The following MYB variants were observed in gnomAD, a reference collection of about 807,000 sequenced individuals.
The protein encoded by MYB is transcriptional activator Myb.
In MYB, 28 loss-of-function variants were observed where a neutral mutation model predicts 92.9. That is an observed-to-expected ratio of 0.30 (90% CI 0.22 to 0.41). The LOEUF (loss-of-function observed/expected upper bound fraction) is 0.41, where lower values mean the gene tolerates loss of function less well. Among genes scored for constraint, MYB ranks in the 10% least tolerant of loss-of-function variants. MYB has a pLI of 1.00. For missense variants in MYB, 679 were observed against 929.3 expected, an observed-to-expected ratio of 0.73 and a Z score of 3.50; for synonymous variants, 295 against 329.1, an observed-to-expected ratio of 0.90 and a Z score of 1.12.
chr6:135,199,499 A>AT, intron 11 of MYB: 1 of 848,486 alleles, frequency 1.2e-6, no homozygotes, highest in Non-Finnish European at 1.5e-6. Flanking sequence ...TTTTAATCTT[A>AT]TTTTTTCTTT....
intron 15 of MYB, among the ~76,000 whole-genome samples, chr6:135,216,945 G>T (rs1780533078): frequency 6.6e-6 from 1 of 152,238 alleles, no homozygotes; most frequent in African/African-American, 2.4e-5. Context: ...TGTCTAGAGA[G>T]AGAATGAACC....
intron 15 of MYB, among the ~76,000 whole-genome samples, chr6:135,204,155 G>T (rs976487540): frequency 6.6e-6 from 1 of 152,156 alleles, no homozygotes; most frequent in East Asian, 1.9e-4. Flanking sequence ...TAAATGGCAC[G>T]ATCATAGGAC....
chr6:135,181,342 T>C lies in MYB; in HGVS notation c.-172T>C, dbSNP rs1200443562. 2 of 216,082 alleles carry C rather than the reference T, an allele frequency of 9.3e-6. No individual in the cohort carries two copies. Among genetic ancestry groups the C allele is most frequent in the South Asian group, 1.4e-4 (1 of 7,352 alleles). The allele number at this position is 216,082 out of a possible 1,614,324, so 13.4% of individuals were successfully genotyped here. A position where few individuals can be genotyped will look rare whatever the true frequency, so the allele number is the denominator to read the frequency against. On this transcript the variant is annotated 5_prime_UTR_variant, in exon 1 of 16. Transcript: ENST00000341911. This position sits in a 1 kb window ranked among gnomAD's most constrained non-coding sequence, Gnocchi z 5.3. Reference sequence around the variant, plus strand: ...TATCAACCTGTTTCCTCCTCCTCCTTCTCCTCCTCCTCCGTGACCTCCTCC... The same window carrying C: ...TATCAACCTGTTTCCTCCTCCTCCTCCTCCTCCTCCTCCGTGACCTCCTCC...
In MYB at chr6:135,190,339, G is replaced by T. The variant is rs1227151360; in HGVS notation, c.519G>T (p.Leu173=). 1 of 1,613,358 alleles carries T rather than the reference G, an allele frequency of 6.2e-7. No homozygotes were observed. The highest frequency in any genetic ancestry group is 8.5e-7 in the Non-Finnish European group (1 of 1,179,466). The change falls in exon 5 of 16, where the codon CTG becomes CTT. Residue 173 remains leucine, a synonymous_variant. Transcript: ENST00000341911. The surrounding 1 kb of genome is among the most constrained non-coding windows in gnomAD (Gnocchi z 4.5). ...GNRWAEIAKL[L]PGRTDNAIKN... ...GATGGGCAGAAATCGCAAAGCTACTGCCTGGACGGTAATAATATGTCAAAA... is the reference window on the plus strand; with the variant it reads ...GATGGGCAGAAATCGCAAAGCTACTTCCTGGACGGTAATAATATGTCAAAA...
In MYB at chr6:135,182,403, G is replaced by T. The variant is rs1050149692; in HGVS notation, c.23+867G>T. On this transcript the variant is annotated intron_variant, in intron 1 of 15. Transcript: ENST00000341911. This position sits in a 1 kb window ranked among gnomAD's most constrained non-coding sequence, Gnocchi z 5.6. ...AGCAGCACACGCCGGGGCTCCCTGC[G>T]AGCGGCGGGTGCCAGGGCTAGCTCG... is the stretch of plus-strand genomic sequence containing the variant. 2.0e-5 allele frequency among the ~76,000 whole-genome samples: 3 copies of T among 152,112 alleles called. No individual in the cohort carries two copies. The highest frequency in any genetic ancestry group is 7.2e-5 in the African/African-American group (3 of 41,430).
At chr6:135,186,610 C>T (rs1302921000) in intron 2 of MYB, among the ~76,000 whole-genome samples, 1 of 152,188 alleles carries the variant, frequency 6.6e-6, no homozygotes, top group Non-Finnish European at 1.5e-5. Context: ...ACAAAACACT[C>T]AGAGAACTCA....
At chr6:135,200,447 T>C (rs769929418) in intron 13 of MYB, 32 bp downstream of exon 13, 2 of 1,613,270 alleles carry the variant, frequency 1.2e-6, no homozygotes, top group Non-Finnish European at 1.7e-6. Flanking sequence ...AGCAACAAGC[T>C]GAGAATCCTG....
At chr6:135,216,406 G>A (rs1780440292) in intron 15 of MYB, among the ~76,000 whole-genome samples, 1 of 152,164 alleles carries the variant, frequency 6.6e-6, no homozygotes, top group Non-Finnish European at 1.5e-5. Context: ...AGTCGAGGCT[G>A]TGAGTGTATT....
At chr6:135,196,075 C>G in intron 9 of MYB, 73 bp downstream of exon 9, 1 of 1,469,492 alleles carries the variant, frequency 6.8e-7, no homozygotes, top group Non-Finnish European at 9.3e-7. Context: ...AAATCATTGC[C>G]ATTTTCTATA....
chr6:135,215,857 T>A (rs1780361099), intron 15 of MYB, among the ~76,000 whole-genome samples: 1 of 152,152 alleles, frequency 6.6e-6, no homozygotes, highest in Non-Finnish European at 1.5e-5. Flanking sequence ...ACCACAAACC[T>A]GCGCACACGG....
chr6:135,184,606 C>T (rs573544029), intron 1 of MYB, among the ~76,000 whole-genome samples: 1 of 152,126 alleles, frequency 6.6e-6, no homozygotes, highest in South Asian at 2.1e-4. Context: ...TTATGAGAAC[C>T]CCCAATTCAG....
At chr6:135,196,084 T>C (rs1197691939) in intron 9 of MYB, 82 bp downstream of exon 9, 4 of 1,405,808 alleles carry the variant, frequency 2.8e-6, no homozygotes, top group African/African-American at 2.9e-5. Context: ...CCATTTTCTA[T>C]AGCCAAGCTG....
At chr6:135,211,027 C>G (rs1041280332) in intron 15 of MYB, among the ~76,000 whole-genome samples, 2 of 151,952 alleles carry the variant, frequency 1.3e-5, no homozygotes, top group Non-Finnish European at 2.9e-5. Flanking sequence ...AGAGCTGATT[C>G]AACTGATTCC....
At chr6:135,188,107 A>G (rs1230109513) in intron 3 of MYB, among the ~76,000 whole-genome samples, 2 of 152,182 alleles carry the variant, frequency 1.3e-5, no homozygotes, top group East Asian at 1.9e-4. Flanking sequence ...ATCGATTATT[A>G]TAATTTAGAT....
At chr6:135,195,355 C>CA in intron 8 of MYB, 1 of 155,926 alleles carries the variant, frequency 6.4e-6, no homozygotes, top group East Asian at 1.7e-4. Flanking sequence ...CTCCTGAGTC[C>CA]TCTAGCTTTT....
chr6:135,194,140 A>G (rs1776981211), intron 7 of MYB, among the ~76,000 whole-genome samples: 1 of 152,234 alleles, frequency 6.6e-6, no homozygotes. Context: ...ATAACTCATC[A>G]GTCAGCATCC....
chr6:135,181,354 C>T lies in MYB; in HGVS notation c.-160C>T. 4.0e-6 allele frequency: 1 copy of T among 248,854 alleles called. No homozygotes were observed. Among genetic ancestry groups the T allele is most frequent in the South Asian group, 1.1e-4 (1 of 9,284 alleles). 15.4% of individuals were successfully genotyped at this position (248,854 alleles called of 1,614,324 possible). ...TCCTCCTCCTCCTTCTCCTCCTCCT[C>T]CGTGACCTCCTCCTCCTCTTTCTCC... is the stretch of plus-strand genomic sequence containing the variant. On this transcript the variant is annotated 5_prime_UTR_variant, in exon 1 of 16. Transcript: ENST00000341911. The surrounding 1 kb of genome is among the most constrained non-coding windows in gnomAD (Gnocchi z 5.3).
chr6:135,203,181 C>T, intron 14 of MYB, 36 bp from the exon 15 acceptor site: 1 of 1,452,754 alleles, frequency 6.9e-7, no homozygotes, highest in Non-Finnish European at 9.6e-7. Context: ...TATTATCCAA[C>T]CTCATTTAAA....
rs1019883392 is a variant in MYB at position 135,181,742 on chromosome 6, G to A, written c.23+206G>A. On this transcript the variant is annotated intron_variant, in intron 1 of 15. Coordinates refer to ENST00000341911, the MANE Select transcript of MYB (RefSeq NM_001130173.2). The surrounding 1 kb of genome is among the most constrained non-coding windows in gnomAD (Gnocchi z 5.3). ...GTCTTTGCGGGAAATGTATCCGGAC[G>A]TTGGGAAGCACGCCCTGCGGCTCAT... is the stretch of plus-strand genomic sequence containing the variant. Among the ~76,000 whole-genome samples, 1 of 152,240 alleles carries A rather than the reference G, an allele frequency of 6.6e-6. No individual in the cohort carries two copies. The highest frequency in any genetic ancestry group is 2.4e-5 in the African/African-American group (1 of 41,470).
Sources: gnomAD v4.1 joint callset for allele counts (sites outside exome capture counted in the v4.1 genomes callset) on GRCh38, gnomAD v4.1.1 for gene constraint, Gnocchi (gnomAD v3.1) non-coding constraint, MANE v1.5 for transcripts, NCBI Gene and HGNC (gene_info 2026-07-23, HGNC 2026-07-21) for gene names.